The following NEGR1 variants were observed in gnomAD, a reference collection of about 807,000 sequenced individuals.
NEGR1 encodes the protein neuronal growth regulator 1.
NEGR1 carries 10 observed loss-of-function variants against 40.9 expected under a neutral mutation model. The observed-to-expected ratio is 0.24, with a 90% CI of 0.15 to 0.42. The LOEUF is 0.42. Ranked by LOEUF, NEGR1 falls within the 10% of genes least tolerant of loss-of-function variation. The pLI is 1.00. For synonymous variants in NEGR1, 185 were observed against 166.8 expected (o/e 1.11, Z -0.84); for missense variants, 352 against 438.9 (o/e 0.80, Z 1.77).
chr1:72,246,749 T>C (rs1006417690), intron 1 of NEGR1, among the ~76,000 whole-genome samples: 5 of 152,330 alleles, frequency 3.3e-5, no homozygotes, highest in South Asian at 2.1e-4. Context: ...CTGGGGACTC[T>C]GTGTGGGAGC....
intron 2 of NEGR1, among the ~76,000 whole-genome samples, chr1:71,885,832 A>G (rs559293832): frequency 6.6e-6 from 1 of 152,272 alleles, no homozygotes; most frequent in African/African-American, 2.4e-5. Context: ...GTTTACCTGG[A>G]TATTTTTCAT....
rs369949208 is a variant in NEGR1 at position 71,935,256 on chromosome 1, T to G, written c.232A>C (p.Ile78Leu). Residue 78 changes from isoleucine to leucine, a missense_variant, in exon 2 of 7, where the codon ATT (isoleucine) becomes CTT (leucine). Around this residue, in one of 5 missense-constraint regions of NEGR1, gnomAD observed 30 missense variants for 64.4 expected, o/e 0.47. Coordinates refer to ENST00000357731, the MANE Select transcript of NEGR1 (RefSeq NM_173808.3). ...GACCACTTATCACCTCCCGCAAAAA[T>G]AATACTTGACCGGTTCAGCCAGGCA... ...KGAWLNRSSI[I>L]FAGGDKWSVD... is the part of the protein sequence containing the mutation. 1 of 1,613,912 alleles carries G rather than the reference T, an allele frequency of 6.2e-7. No individual in the cohort carries two copies. Among genetic ancestry groups the G allele is most frequent in the African/African-American group, 1.3e-5 (1 of 74,910 alleles).
rs141655354 is a variant in NEGR1, at chr1:72,031,584, A to C, written c.177-96273T>G. ...TGAGTAGCAAAATAGGAGATACTTA[A>C]ATCTGAGAGCATCACAAAGCATTAC... On this transcript the variant is annotated intron_variant, in intron 1 of 6. Transcript: ENST00000357731. Among the ~76,000 whole-genome samples, 1,067 of 152,312 alleles carry C rather than the reference A, an allele frequency of 7.0e-3. 3 individuals are homozygous for C. The highest frequency in any genetic ancestry group is 0.011 in the Non-Finnish European group (717 of 68,022).
At chr1:72,162,869 T>C (rs563078307) in intron 1 of NEGR1, among the ~76,000 whole-genome samples, 1 of 152,246 alleles carries the variant, frequency 6.6e-6, no homozygotes, top group South Asian at 2.1e-4. Context: ...ATCTCTATAA[T>C]AAGCAATGTT....
chr1:71,538,159 G>C (rs557824004), intron 6 of NEGR1, among the ~76,000 whole-genome samples: 1 of 151,750 alleles, frequency 6.6e-6, no homozygotes, highest in Admixed American at 6.6e-5. Context: ...TGGCCAGATA[G>C]AAGGAAATTC....
In NEGR1 at chr1:71,759,596, CTTTTTTTTTTTTTT is replaced by C. The variant is rs71074804; in HGVS notation, c.535+16562_535+16575del. On this transcript the variant is annotated intron_variant, in intron 3 of 6. Transcript: ENST00000357731. ...ACAGGCGTGAGCCACTGCGTCCAGG[CTTTTTTTTTTTTTT>C]TTTTTTTTTTTTTTTTTGAGACGGA... Among the ~76,000 whole-genome samples, 12 of 31,962 alleles carry C rather than the reference CTTTTTTTTTTTTTT, an allele frequency of 3.8e-4. 1 individual carries two copies. Among genetic ancestry groups the C allele is most frequent in the Admixed American group, 2.5e-3 (4 of 1,606 alleles). 21.0% of individuals were successfully genotyped at this position (31,962 alleles called of 152,430 possible).
Position 71,609,384 on chromosome 1 carries a change from G to A in NEGR1, c.788+1642C>T, listed in dbSNP as rs186104457. 6.4e-3 allele frequency among the ~76,000 whole-genome samples: 969 copies of A among 150,336 alleles called. 43 individuals are homozygous for A. Among genetic ancestry groups the A allele is most frequent in the Admixed American group, 0.059 (887 of 15,120 alleles). ...CAAAAAATAAGCCGGGCGTGGTGGC[G>A]GGCACCTGTAGTCCCAGCTACTTGG... On this transcript the variant is annotated intron_variant, in intron 5 of 6. Coordinates refer to ENST00000357731, the MANE Select transcript of NEGR1 (RefSeq NM_173808.3).
chr1:72,092,676 G>A (rs997776995), intron 1 of NEGR1, among the ~76,000 whole-genome samples: 2 of 151,784 alleles, frequency 1.3e-5, no homozygotes, highest in Non-Finnish European at 2.9e-5. Flanking sequence ...TTTGAGGCAG[G>A]GTCTCACTCT....
chr1:71,539,699 C>T (rs565236810), intron 6 of NEGR1, among the ~76,000 whole-genome samples: 1 of 151,702 alleles, frequency 6.6e-6, no homozygotes, highest in East Asian at 2.0e-4. Context: ...TATTATCATC[C>T]TGGTAAATAT....
intron 6 of NEGR1, among the ~76,000 whole-genome samples, chr1:71,413,284 A>T (rs1029101851): frequency 6.6e-6 from 1 of 152,186 alleles, no homozygotes; most frequent in Non-Finnish European, 1.5e-5. Flanking sequence ...TCCTTTAGCA[A>T]ATTCAGTGTG....
At chr1:72,096,390 A>G (rs757895854) in intron 1 of NEGR1, among the ~76,000 whole-genome samples, 1 of 152,110 alleles carries the variant, frequency 6.6e-6, no homozygotes, top group Non-Finnish European at 1.5e-5. Context: ...AGGATAATTC[A>G]GTGAAATTTG....
intron 1 of NEGR1, among the ~76,000 whole-genome samples, chr1:72,081,420 A>C (rs572477033): frequency 3.9e-4 from 60 of 152,154 alleles, no homozygotes; most frequent in Non-Finnish European, 7.5e-4. Context: ...ATCTGAAAGA[A>C]GCTTCATAAG....
chr1:72,015,859 C>T (rs1291034117), intron 1 of NEGR1, among the ~76,000 whole-genome samples: 1 of 151,896 alleles, frequency 6.6e-6, no homozygotes, highest in East Asian at 1.9e-4. Context: ...GCTCTTAAGT[C>T]CATGACCAAA....
At chr1:71,533,107 T>C (rs1197006904) in intron 6 of NEGR1, among the ~76,000 whole-genome samples, 1 of 151,568 alleles carries the variant, frequency 6.6e-6, no homozygotes, top group Non-Finnish European at 1.5e-5. Context: ...CTGACTTTGA[T>C]ATTAGGCCAT....
chr1:71,759,595 G>GTTTTTTTT (rs1220949498), intron 3 of NEGR1, among the ~76,000 whole-genome samples: 1 of 50,658 alleles, frequency 2.0e-5, no homozygotes, highest in Non-Finnish European at 3.6e-5. Flanking sequence ...CTGCGTCCAG[G>GTTTTTTTT]CTTTTTTTTT....
chr1:71,724,793 C>A (rs1296541710), intron 3 of NEGR1, among the ~76,000 whole-genome samples: 4 of 151,962 alleles, frequency 2.6e-5, no homozygotes, highest in Admixed American at 2.0e-4. Flanking sequence ...CAGGGAATAC[C>A]CTCAGCATCT....
chr1:72,076,269 T>C (rs1647727857), intron 1 of NEGR1, among the ~76,000 whole-genome samples: 1 of 152,090 alleles, frequency 6.6e-6, no homozygotes. Flanking sequence ...AGTGCCTCTA[T>C]AAAAGAGACC....
At chr1:72,244,083 T>C (rs1654829761) in intron 1 of NEGR1, among the ~76,000 whole-genome samples, 1 of 151,818 alleles carries the variant, frequency 6.6e-6, no homozygotes, top group Non-Finnish European at 1.5e-5. Flanking sequence ...TATTTATTTA[T>C]TTTATTCAGC....
chr1:71,762,491 T>C (rs1020133431), intron 3 of NEGR1, among the ~76,000 whole-genome samples: 1 of 152,002 alleles, frequency 6.6e-6, no homozygotes, highest in African/African-American at 2.4e-5. Flanking sequence ...AAAAGAAACA[T>C]GATTGTTCAT....
Sources: gnomAD v4.1 joint callset for allele counts (sites outside exome capture counted in the v4.1 genomes callset) on GRCh38, gnomAD v4.1.1 for gene constraint, gnomAD v4.1.1 regional missense constraint, MANE v1.5 for transcripts, NCBI Gene and HGNC (gene_info 2026-07-23, HGNC 2026-07-21) for gene names.